CPM: variants seen among roughly 807,000 people sequenced by gnomAD.
CPM encodes the protein renal carboxypeptidase.
Under a neutral mutation model 46.4 loss-of-function variants are expected in CPM, and 35 were observed. That is an observed-to-expected ratio of 0.75 (90% CI 0.58 to 1.00). The LOEUF (loss-of-function observed/expected upper bound fraction) is 1.00. Ranked by LOEUF, CPM falls within the 50% of genes least tolerant of loss-of-function variation. CPM has a pLI of 0.00. For missense variants in CPM, 422 were observed against 530.4 expected (o/e 0.80, Z 2.01); for synonymous variants, 195 against 195.3 (o/e 1.00, Z 0.01).
intron 8 of CPM, among the ~76,000 whole-genome samples, chr12:68,857,141 T>TTTTC (rs1386745628): frequency 6.6e-6 from 1 of 151,656 alleles, no homozygotes; most frequent in Non-Finnish European, 1.5e-5. Flanking sequence ...TTTTAAAAGC[T>TTTTC]TTTCTTTCTT....
intron 5 of CPM, chr12:68,845,150 G>C (rs1362317967): frequency 4.5e-6 from 1 of 223,804 alleles, no homozygotes; most frequent in Non-Finnish European, 8.9e-6. Flanking sequence ...ATTGTGAAAA[G>C]TTTTTAGTTG....
At chr12:68,918,791 A>C (rs1887919399) in intron 2 of CPM, among the ~76,000 whole-genome samples, 1 of 152,226 alleles carries the variant, frequency 6.6e-6, no homozygotes, top group Admixed American at 6.5e-5. Context: ...TAACTGGATT[A>C]GTCTCCCTGC....
chr12:68,932,889 C>T (rs1694712047), intron 1 of CPM, 49 bp from the exon 2 acceptor site: 1 of 1,563,162 alleles, frequency 6.4e-7, no homozygotes, highest in African/African-American at 1.4e-5. Flanking sequence ...TGAGGGCAGG[C>T]GGGGGCATCA....
intron 2 of CPM, chr12:68,913,781 A>G (rs891786956): frequency 2.7e-5 from 15 of 564,216 alleles, no homozygotes; most frequent in Non-Finnish European, 4.4e-5. Context: ...TCCCATGCGG[A>G]AACCCAGTGT....
Position 68,929,054 on chromosome 12 carries a change from GC to G in CPM, c.160+3623del, listed in dbSNP as rs564268472. Among the ~76,000 whole-genome samples the G allele has an allele frequency of 2.1e-3, 319 of 152,060 alleles. 2 individuals carry two copies. The highest frequency in any genetic ancestry group is 7.2e-3 in the African/African-American group (297 of 41,470). ...ATGGTAGGAAATCTCATTTAAAATG[GC>G]CCTTTGGGGTTTTGTATGTAGCAGA... On this transcript the variant is annotated intron_variant, in intron 2 of 8. Coordinates refer to ENST00000551568, the MANE Select transcript of CPM (RefSeq NM_198320.5).
At chr12:68,870,917 G>A (rs1885666659) in intron 4 of CPM, among the ~76,000 whole-genome samples, 1 of 152,162 alleles carries the variant, frequency 6.6e-6, no homozygotes, top group African/African-American at 2.4e-5. Flanking sequence ...ACTGATAACA[G>A]AAACAACACT....
At chr12:68,896,737 C>T (rs1886889257) in intron 2 of CPM, among the ~76,000 whole-genome samples, 5 of 152,128 alleles carry the variant, frequency 3.3e-5, no homozygotes, top group Admixed American at 2.0e-4. Context: ...ATTCTTCCAA[C>T]ATTATGGGGA....
chr12:68,944,814 T>C (rs572661459), intron 1 of CPM, among the ~76,000 whole-genome samples: 1 of 152,124 alleles, frequency 6.6e-6, no homozygotes, highest in East Asian at 1.9e-4. Context: ...ACTCAGACGT[T>C]AGGATTTTTA....
At chr12:68,959,395 A>C (rs1889075729) in intron 1 of CPM, among the ~76,000 whole-genome samples, 1 of 151,930 alleles carries the variant, frequency 6.6e-6, no homozygotes, top group Non-Finnish European at 1.5e-5. Flanking sequence ...CACTGCCTTA[A>C]AATATCATTG....
intron 1 of CPM, among the ~76,000 whole-genome samples, chr12:68,953,337 G>A (rs939979723): frequency 4.6e-5 from 7 of 151,522 alleles, no homozygotes; most frequent in Non-Finnish European, 8.8e-5. Context: ...TCATATTTCC[G>A]TGCATGGAAT....
At chr12:68,898,520 G>C (rs1565786754) in intron 2 of CPM, among the ~76,000 whole-genome samples, 1 of 152,146 alleles carries the variant, frequency 6.6e-6, no homozygotes, top group Non-Finnish European at 1.5e-5. Flanking sequence ...TCCCTAACCG[G>C]AACATTTGGT....
At chr12:68,890,699 T>G (rs1469877737) in intron 2 of CPM, among the ~76,000 whole-genome samples, 2 of 152,250 alleles carry the variant, frequency 1.3e-5, no homozygotes, top group African/African-American at 4.8e-5. Flanking sequence ...AGACTGGGCT[T>G]TCTTCCTGGC....
At chr12:68,915,782 C>T (rs1017326842) in intron 2 of CPM, among the ~76,000 whole-genome samples, 1 of 152,220 alleles carries the variant, frequency 6.6e-6, no homozygotes, top group Admixed American at 6.5e-5. Flanking sequence ...ACATAAATCG[C>T]TAAAAGACAC....
Position 68,870,262 on chromosome 12 carries a change from T to A in CPM, c.569A>T (p.His190Leu). 1 of 1,614,176 alleles carries A rather than the reference T, an allele frequency of 6.2e-7. No homozygotes were observed. Among genetic ancestry groups the A allele is most frequent in the South Asian group, 1.1e-5 (1 of 91,082 alleles). The part of the protein sequence containing the change: ...TETFVLSANL[H>L]GGALVASYPF... ...GTAACTGGCCACGAGGGCACCACCATGGAGGTTTGCAGAGAGGACAAACGT... is the reference window on the plus strand; with the variant it reads ...GTAACTGGCCACGAGGGCACCACCAAGGAGGTTTGCAGAGAGGACAAACGT... Residue 190 changes from histidine (H) to leucine (L), a missense_variant, in exon 5 of 9, where the codon CAT becomes CTT. His to Leu is a moderately conservative substitution (Grantham distance 99). Coordinates refer to ENST00000551568, the MANE Select transcript of CPM (RefSeq NM_198320.5).
Position 68,853,207 on chromosome 12 carries a change from A to G in CPM, c.*3230T>C, listed in dbSNP as rs1426852602. 1 of 152,202 alleles carries G rather than the reference A, an allele frequency of 6.6e-6. No individual in the cohort carries two copies. The allele number at this position is 152,202 out of a possible 1,614,324, so 9.4% of individuals were successfully genotyped here. A position where few individuals can be genotyped will look rare whatever the true frequency, so the allele number is the denominator to read the frequency against. On this transcript the variant is annotated 3_prime_UTR_variant, in exon 9 of 9. Coordinates refer to ENST00000551568, the MANE Select transcript of CPM (RefSeq NM_198320.5). ...TGTTCGTGTCTCTTCAAAAATTGCT[A>G]TCTTAGAAAAGTTAGAATTCAATGC...
At chr12:68,902,609 G>A (rs190178327) in intron 2 of CPM, among the ~76,000 whole-genome samples, 16 of 152,228 alleles carry the variant, frequency 1.1e-4, no homozygotes, top group African/African-American at 1.9e-4. Context: ...CAAGGATTTC[G>A]GGAAATCATA....
intron 2 of CPM, among the ~76,000 whole-genome samples, chr12:68,929,005 G>A (rs1888391475): frequency 6.6e-6 from 1 of 151,512 alleles, no homozygotes; most frequent in Non-Finnish European, 1.5e-5. Flanking sequence ...ACCACACCCA[G>A]TCAATGCAAG....
At chr12:68,910,378 C>T (rs1233441907) in intron 2 of CPM, among the ~76,000 whole-genome samples, 6 of 152,098 alleles carry the variant, frequency 3.9e-5, no homozygotes, top group Admixed American at 1.3e-4. Flanking sequence ...AAACTGTAGA[C>T]GTGTGTATAC....
intron 8 of CPM, 62 bp from the exon 9 acceptor site, chr12:68,856,741 A>G: frequency 1.3e-6 from 2 of 1,573,586 alleles, no homozygotes; most frequent in Non-Finnish European, 1.7e-6. Context: ...GCCCACACTG[A>G]AAACACTGAT....
Sources: gnomAD v4.1 joint callset for allele counts (sites outside exome capture counted in the v4.1 genomes callset) on GRCh38, gnomAD v4.1.1 for gene constraint, MANE v1.5 for transcripts, NCBI Gene and HGNC (gene_info 2026-07-23, HGNC 2026-07-21) for gene names.